SCAPER: variants seen among roughly 807,000 people sequenced by gnomAD.
SCAPER encodes S-phase cyclin A associated protein in the ER.
Under a neutral mutation model 182.2 loss-of-function variants are expected in SCAPER, and 98 were observed. The observed-to-expected ratio is 0.54, with a 90% CI of 0.46 to 0.64. The LOEUF is 0.64. Ranked by LOEUF, SCAPER falls within the 30% of genes least tolerant of loss-of-function variation. The pLI, the probability that SCAPER is intolerant of heterozygous loss-of-function variation, is 0.00. For synonymous variants in SCAPER, 605 were observed against 564.6 expected, an observed-to-expected ratio of 1.07 and a Z score of -1.01; for missense variants, 1,432 against 1,690.0, an observed-to-expected ratio of 0.85 and a Z score of 2.68.
chr15:76,754,750 T>C (rs61024611), intron 14 of SCAPER, among the ~76,000 whole-genome samples: 7,086 of 152,128 alleles, frequency 0.047, 493 homozygotes, highest in African/African-American at 0.15. Context: ...AAAAGTATGA[T>C]ACAAAAATAG....
chr15:76,544,757 C>G (rs988867451), intron 23 of SCAPER, among the ~76,000 whole-genome samples: 1 of 152,100 alleles, frequency 6.6e-6, no homozygotes, highest in Non-Finnish European at 1.5e-5. Context: ...GGTTGCACAA[C>G]TCTTTGACTA....
At chr15:76,486,549 ATAAT>A (rs896112003) in intron 24 of SCAPER, among the ~76,000 whole-genome samples, 1 of 152,202 alleles carries the variant, frequency 6.6e-6, no homozygotes, top group African/African-American at 2.4e-5. Flanking sequence ...GGCGAAGGAC[ATAAT>A]AGACACTTTT....
At chr15:76,378,815 T>C (rs2042744110) in intron 28 of SCAPER, among the ~76,000 whole-genome samples, 1 of 152,230 alleles carries the variant, frequency 6.6e-6, no homozygotes, top group Non-Finnish European at 1.5e-5. Flanking sequence ...GACACCATAG[T>C]GTTTTAAAAA....
chr15:76,431,702 A>AAAAAAAAAAAAAAAAAAAAT (rs2046879119), intron 26 of SCAPER, among the ~76,000 whole-genome samples: 1 of 131,372 alleles, frequency 7.6e-6, no homozygotes, highest in Non-Finnish European at 1.7e-5. Context: ...AAAAAAAAAA[A>AAAAAAAAAAAAAAAAAAAAT]AATGCTTTGT....
chr15:76,359,614 T>C (rs1178253385), intron 29 of SCAPER, among the ~76,000 whole-genome samples: 2 of 152,266 alleles, frequency 1.3e-5, no homozygotes, highest in East Asian at 3.9e-4. Flanking sequence ...GGCTCCTGAT[T>C]GAGAGCAAGG....
At chr15:76,718,206 T>TA (rs2059994472) in intron 17 of SCAPER, among the ~76,000 whole-genome samples, 1 of 151,936 alleles carries the variant, frequency 6.6e-6, no homozygotes, top group Non-Finnish European at 1.5e-5. Flanking sequence ...AAAAGGAAAT[T>TA]AAAAAATATC....
chr15:76,588,734 T>C (rs1003122530), intron 22 of SCAPER, among the ~76,000 whole-genome samples: 2 of 152,208 alleles, frequency 1.3e-5, no homozygotes, highest in Non-Finnish European at 2.9e-5. Flanking sequence ...TTTTGATGTG[T>C]TTCTAGGATT....
intron 1 of SCAPER, 194 bp downstream of exon 1, chr15:76,905,105 A>AGGCGACCGCGGCTCCCCTCCCCC (rs2074995200): frequency 6.6e-6 from 1 of 151,530 alleles, no homozygotes; most frequent in African/African-American, 2.5e-5. Context: ...AGCCCTCCCC[A>AGGCGACCGCGGCTCCCCTCCCCC]GGCGACCGCG....
intron 15 of SCAPER, among the ~76,000 whole-genome samples, chr15:76,745,590 A>G (rs1218578800): frequency 6.6e-6 from 1 of 152,260 alleles, no homozygotes; most frequent in African/African-American, 2.4e-5. Context: ...TTTAAGAAAA[A>G]GAATTAAAAG....
chr15:76,721,836 TG>T (rs1409379274), intron 17 of SCAPER, among the ~76,000 whole-genome samples: 1 of 152,182 alleles, frequency 6.6e-6, no homozygotes, highest in Non-Finnish European at 1.5e-5. Context: ...GCTGAGACGA[TG>T]GGGTTTTCTA....
At chr15:76,583,915 T>C (rs1401637348) in intron 22 of SCAPER, among the ~76,000 whole-genome samples, 1 of 152,200 alleles carries the variant, frequency 6.6e-6, no homozygotes, top group Non-Finnish European at 1.5e-5. Flanking sequence ...GCAATCCCAC[T>C]GGTGGGTATA....
intron 23 of SCAPER, among the ~76,000 whole-genome samples, chr15:76,505,640 G>C (rs140539311): frequency 1.3e-5 from 2 of 152,138 alleles, no homozygotes; most frequent in Non-Finnish European, 2.9e-5. Context: ...TACACTGTTC[G>C]TGGGAATGTA....
At chr15:76,885,700 G>C (rs2073802301) in intron 1 of SCAPER, among the ~76,000 whole-genome samples, 1 of 152,104 alleles carries the variant, frequency 6.6e-6, no homozygotes, top group Non-Finnish European at 1.5e-5. Flanking sequence ...GCCCAGGCTG[G>C]TCTCGAACTA....
intron 22 of SCAPER, among the ~76,000 whole-genome samples, chr15:76,607,301 T>C (rs1285503424): frequency 1.3e-5 from 2 of 152,204 alleles, no homozygotes; most frequent in Non-Finnish European, 2.9e-5. Context: ...GATATGAAAT[T>C]CTGGGTTGAA....
intron 1 of SCAPER, among the ~76,000 whole-genome samples, chr15:76,898,360 A>G (rs559518635): frequency 1.3e-5 from 2 of 152,338 alleles, no homozygotes; most frequent in South Asian, 4.1e-4. Context: ...AAAGTAAAAG[A>G]TAAGTCACTA....
At chr15:76,750,488 A>G (rs1053716344) in intron 15 of SCAPER, among the ~76,000 whole-genome samples, 5 of 151,946 alleles carry the variant, frequency 3.3e-5, no homozygotes, top group African/African-American at 1.2e-4. Context: ...GGAAAAAACT[A>G]TAGACCAATA....
chr15:76,798,094 T>C (rs2151489450), intron 7 of SCAPER, among the ~76,000 whole-genome samples: 1 of 152,238 alleles, frequency 6.6e-6, no homozygotes, highest in South Asian at 2.1e-4. Context: ...GCACAGTAGC[T>C]TGTACCTGTA....
At chr15:76,862,163 C>T (rs2071928927) in intron 3 of SCAPER, among the ~76,000 whole-genome samples, 1 of 152,164 alleles carries the variant, frequency 6.6e-6, no homozygotes, top group Admixed American at 6.5e-5. Context: ...ATCACTTTAA[C>T]AACCCCTAAT....
chr15:76,378,606 GCTTTAGCT>G (rs1182200995), intron 28 of SCAPER, among the ~76,000 whole-genome samples: 33 of 152,302 alleles, frequency 2.2e-4, no homozygotes, highest in African/African-American at 7.9e-4. Context: ...CAGATGTGTT[GCTTTAGCT>G]GGTGAAGCCT....
Sources: gnomAD v4.1 joint callset for allele counts (sites outside exome capture counted in the v4.1 genomes callset) on GRCh38, gnomAD v4.1.1 for gene constraint, MANE v1.5 for transcripts, NCBI Gene and HGNC (gene_info 2026-07-23, HGNC 2026-07-21) for gene names.